ZNF791: variants seen among roughly 807,000 people sequenced by gnomAD.
ZNF791 encodes zinc finger protein 791.
A neutral mutation model predicts 11.5 loss-of-function variants in ZNF791; 4 were observed. The observed-to-expected ratio is 0.35, with a 90% confidence interval of 0.17 to 0.80. The LOEUF is 0.80. ZNF791 is among the 30% of genes least tolerant of loss of function. ZNF791 has a pLI of 0.53. For synonymous variants in ZNF791, 212 were observed against 228.1 expected, an observed-to-expected ratio of 0.93 and a Z score of 0.64; for missense variants, 559 against 699.4, an observed-to-expected ratio of 0.80 and a Z score of 2.26.
chr19:12,613,413 C>G (rs1264001185), intron 1 of ZNF791, among the ~76,000 whole-genome samples: 3 of 151,968 alleles, frequency 2.0e-5, no homozygotes, highest in African/African-American at 7.2e-5. Flanking sequence ...AACCCCGTCT[C>G]TACTAAAAAT....
rs566657154 is a variant in ZNF791, at chr19:12,631,086, A to G, written c.*1826A>G. ...ACTTCTAGTCCTGCAAGCTATGTTC[A>G]TGGAGTGTCCTATGCAGGTGCATCC... On this transcript the variant is annotated 3_prime_UTR_variant, in exon 4 of 4. Transcript: ENST00000343325. 1 of 152,334 alleles carries G rather than the reference A, an allele frequency of 6.6e-6. No homozygotes were observed. Among genetic ancestry groups the G allele is most frequent in the South Asian group, 2.1e-4 (1 of 4,830 alleles). 9.4% of individuals were successfully genotyped at this position (152,334 alleles called of 1,614,324 possible).
chr19:12,619,868 T>G (rs147226414), intron 1 of ZNF791, among the ~76,000 whole-genome samples: 4,422 of 151,698 alleles, frequency 0.029, 78 homozygotes, highest in Middle Eastern at 0.065. Context: ...TTTTTTCTTT[T>G]TATTATTTAG....
intron 3 of ZNF791, among the ~76,000 whole-genome samples, chr19:12,627,460 T>C (rs546422183): frequency 2.0e-4 from 30 of 151,796 alleles, no homozygotes; most frequent in African/African-American, 7.0e-4. Context: ...AACCACGGCT[T>C]TACTAAAAAT....
chr19:12,627,465 A>T (rs1192308986), intron 3 of ZNF791, among the ~76,000 whole-genome samples: 7 of 151,436 alleles, frequency 4.6e-5, no homozygotes, highest in Admixed American at 6.6e-5. Flanking sequence ...CGGCTTTACT[A>T]AAAATACAAA....
chr19:12,621,877 G>A (rs2023355025), intron 1 of ZNF791, among the ~76,000 whole-genome samples: 1 of 127,092 alleles, frequency 7.9e-6, no homozygotes. Flanking sequence ...CATTGAGAAC[G>A]GGCCAGGATG....
At chr19:12,623,579 C>T (rs2023383845) in intron 1 of ZNF791, 121 bp from the exon 2 acceptor site, 1 of 1,275,896 alleles carries the variant, frequency 7.8e-7, no homozygotes, top group African/African-American at 1.5e-5. Flanking sequence ...ACATTTCTAA[C>T]AATTGAGTCA....
Position 12,629,399 on chromosome 19 carries a change from A to G in ZNF791, c.*139A>G. On this transcript the variant is annotated 3_prime_UTR_variant, in exon 4 of 4. Coordinates refer to ENST00000343325, the MANE Select transcript of ZNF791 (RefSeq NM_153358.3). ...GCGAGATACAAGATGATTCATGTAT[A>G]GTCAGGTACCACATAATCATGTTTC... 7 of 621,642 alleles carry G rather than the reference A, an allele frequency of 1.1e-5. No individual in the cohort carries two copies. The highest frequency in any genetic ancestry group is 1.8e-5 in the Non-Finnish European group (7 of 396,462). The allele number at this position is 621,642 out of a possible 1,614,324, so 38.5% of individuals were successfully genotyped here. A position where few individuals can be genotyped will look rare whatever the true frequency, so the allele number is the denominator to read the frequency against.
At chr19:12,613,368 T>C (rs1160623311) in intron 1 of ZNF791, among the ~76,000 whole-genome samples, 2 of 151,810 alleles carry the variant, frequency 1.3e-5, no homozygotes, top group Non-Finnish European at 2.9e-5. Flanking sequence ...GATCACGAGG[T>C]CAGGAGCTCG....
chr19:12,622,411 CAAAA>C (rs370413296), intron 1 of ZNF791, among the ~76,000 whole-genome samples: 9 of 79,604 alleles, frequency 1.1e-4, no homozygotes, highest in African/African-American at 3.7e-4. Flanking sequence ...CTGTCTCAAA[CAAAA>C]AAAAAAAAAA....
intron 1 of ZNF791, among the ~76,000 whole-genome samples, chr19:12,621,721 GGGTC>G (rs2023349497): frequency 1.1e-5 from 1 of 88,146 alleles, no homozygotes; most frequent in Non-Finnish European, 2.6e-5. Context: ...CCTCGGTGGG[GGGTC>G]AGCCCCCCTG....
At chr19:12,617,698 T>C (rs939490239) in intron 1 of ZNF791, among the ~76,000 whole-genome samples, 1 of 151,162 alleles carries the variant, frequency 6.6e-6, no homozygotes, top group African/African-American at 2.4e-5. Flanking sequence ...GGATTTTAAT[T>C]AAACCCAGTT....
rs1241010514 is a variant in ZNF791 at position 12,623,680 on chromosome 19, A to T, written c.4-20A>T. 6.2e-7 allele frequency: 1 copy of T among 1,613,702 alleles called. No individual in the cohort carries two copies. The highest frequency in any genetic ancestry group is 8.5e-7 in the Non-Finnish European group (1 of 1,179,858). On this transcript the variant is annotated intron_variant, in intron 1 of 3. Transcript: ENST00000343325. Reference sequence around the variant, plus strand: ...TCCTTGTCAATCTCACCTATTCTCTACTTATATTGGATGTTTCAGGACTCA... The same window carrying T: ...TCCTTGTCAATCTCACCTATTCTCTTCTTATATTGGATGTTTCAGGACTCA...
At chr19:12,627,222 C>G (rs972385456) in intron 3 of ZNF791, among the ~76,000 whole-genome samples, 1 of 151,824 alleles carries the variant, frequency 6.6e-6, no homozygotes, top group African/African-American at 2.4e-5. Flanking sequence ...CTCAATATTA[C>G]TGTTTTGATA....
chr19:12,628,733 C>T lies in ZNF791; in HGVS notation c.1204C>T (p.His402Tyr). The T allele has an allele frequency of 3.1e-6, 5 of 1,601,998 alleles. No homozygotes were observed. Among genetic ancestry groups the T allele is most frequent in the Non-Finnish European group, 4.3e-6 (5 of 1,175,166 alleles). ...CAATTATCCTCTAGATTTGAAAATC[C>T]ACAAGAGAAATCACACTGGAGAAAA... ...TFNYPLDLKI[H>Y]KRNHTGEKPY... is the part of the protein sequence containing the mutation. Residue 402 changes from histidine to tyrosine, a missense_variant, in exon 4 of 4, where the codon CAC becomes TAC. Physicochemically the swap from His to Tyr is moderately conservative, Grantham distance 83 (BLOSUM62 2). Transcript: ENST00000343325.
chr19:12,620,138 C>G (rs2023317083), intron 1 of ZNF791, among the ~76,000 whole-genome samples: 1 of 151,872 alleles, frequency 6.6e-6, no homozygotes, highest in South Asian at 2.1e-4. Flanking sequence ...CTTCTGACCT[C>G]GTGATCCACC....
chr19:12,619,085 C>T (rs1287733005), intron 1 of ZNF791, among the ~76,000 whole-genome samples: 1 of 151,956 alleles, frequency 6.6e-6, no homozygotes, highest in Non-Finnish European at 1.5e-5. Context: ...ACCTCGTGAT[C>T]CACCCACCTA....
rs773276089 is a variant in ZNF791, at chr19:12,628,855, T to C, written c.1326T>C (p.Cys442=). ...ACACTGGAGACGGACCTTATAAATG[T>C]AGGGACTGTGGGAAGGTGTTCATTT... ...ITHTGDGPYK[C]RDCGKVFIFP... The change falls in exon 4 of 4, where the codon TGT becomes TGC. Residue 442 remains cysteine (C), a synonymous_variant. Coordinates refer to ENST00000343325, the MANE Select transcript of ZNF791 (RefSeq NM_153358.3). 2 of 1,613,842 alleles carry C rather than the reference T, an allele frequency of 1.2e-6. No individual in the cohort carries two copies. Among genetic ancestry groups the C allele is most frequent in the Non-Finnish European group, 1.7e-6 (2 of 1,179,960 alleles).
chr19:12,617,939 CAG>C (rs978011967), intron 1 of ZNF791, among the ~76,000 whole-genome samples: 1 of 118,126 alleles, frequency 8.5e-6, no homozygotes, highest in Non-Finnish European at 1.7e-5. Flanking sequence ...TTTTTTGAGA[CAG>C]AGTTTCGTCC....
At chr19:12,614,892 C>CTTTTTTT (rs57575424) in intron 1 of ZNF791, among the ~76,000 whole-genome samples, 718 of 17,540 alleles carry the variant, frequency 0.041, 276 homozygotes, top group Non-Finnish European at 0.063. Flanking sequence ...TGCGTCCGGC[C>CTTTTTTT]TTTTTTTTTT....
Sources: allele counts gnomAD v4.1 joint callset (sites outside exome capture counted in the v4.1 genomes callset), GRCh38; gene constraint gnomAD v4.1.1; transcripts MANE v1.5; gene names NCBI Gene and HGNC (gene_info 2026-07-23, HGNC 2026-07-21).